Variants in RPS6KC1 observed in about 807,000 individuals in gnomAD.
RPS6KC1 encodes ribosomal protein S6 kinase C1, also known as inactive ribosomal protein S6 kinase delta-1.
In RPS6KC1, 54 loss-of-function variants were observed where a neutral mutation model predicts 103.8. That is an observed-to-expected ratio of 0.52 (90% CI 0.42 to 0.65). RPS6KC1 has a LOEUF of 0.65. Ranked by LOEUF, RPS6KC1 falls within the 30% of genes least tolerant of loss-of-function variation. The pLI, the probability that RPS6KC1 is intolerant of heterozygous loss-of-function variation, is 0.00. For synonymous variants in RPS6KC1, 439 were observed against 438.7 expected (o/e 1.00, Z -0.01); for missense variants, 1,151 against 1,253.8 (o/e 0.92, Z 1.24).
chr1:213,338,622 A>G, the RPS6KC1 span, among the ~76,000 whole-genome samples: 4 of 152,184 alleles, frequency 2.6e-5, no homozygotes, highest in South Asian at 2.1e-4. Flanking sequence ...GATGTGGTAC[A>G]TTGGGAACAA....
chr1:213,327,236 A>AAAAAGAAAGAAAGAAAGAAAG, the RPS6KC1 span, among the ~76,000 whole-genome samples: 266 of 144,686 alleles, frequency 1.8e-3, 2 homozygotes, highest in Middle Eastern at 3.4e-3. Context: ...GAAAGAAAAG[A>AAAAAGAAAGAAAGAAAGAAAG]AAAGAAAGAA....
chr1:213,659,208 AC>A, the RPS6KC1 span, among the ~76,000 whole-genome samples: 1 of 151,786 alleles, frequency 6.6e-6, no homozygotes, highest in African/African-American at 2.4e-5. Context: ...CAAGGGATCC[AC>A]CCGACTTGGC....
chr1:213,691,383 G>C, the RPS6KC1 span, among the ~76,000 whole-genome samples: 1 of 152,198 alleles, frequency 6.6e-6, no homozygotes, highest in African/African-American at 2.4e-5. Flanking sequence ...TGGGGTCCCA[G>C]TAAAGAGGAC....
intron 6 of RPS6KC1, among the ~76,000 whole-genome samples, chr1:213,166,924 T>A (rs1227760694): frequency 6.6e-6 from 1 of 152,234 alleles, no homozygotes; most frequent in Non-Finnish European, 1.5e-5. Flanking sequence ...TTTTTTCTTT[T>A]AAGTCTCGTA....
chr1:213,256,169 A>G (rs2094639056), intron 12 of RPS6KC1, among the ~76,000 whole-genome samples: 2 of 152,204 alleles, frequency 1.3e-5, no homozygotes, highest in African/African-American at 2.4e-5. Context: ...TGGGACCAGC[A>G]GTGTCTTTAG....
the RPS6KC1 span, among the ~76,000 whole-genome samples, chr1:213,713,172 T>G: frequency 6.6e-6 from 1 of 152,190 alleles, no homozygotes; most frequent in African/African-American, 2.4e-5. Flanking sequence ...TGTATTTTTC[T>G]TCTATTATTG....
chr1:213,795,818 G>A, the RPS6KC1 span, among the ~76,000 whole-genome samples: 14 of 151,968 alleles, frequency 9.2e-5, no homozygotes, highest in Admixed American at 3.9e-4. Context: ...TCTCTGCCCC[G>A]CTGGTTTCGT....
At chr1:213,502,126 C>A in the RPS6KC1 span, among the ~76,000 whole-genome samples, 2 of 152,252 alleles carry the variant, frequency 1.3e-5, no homozygotes, top group African/African-American at 4.8e-5. Flanking sequence ...TAAAAAATTC[C>A]CAGATTATTT....
the RPS6KC1 span, among the ~76,000 whole-genome samples, chr1:213,491,261 G>A: frequency 1.3e-5 from 2 of 152,140 alleles, no homozygotes; most frequent in Non-Finnish European, 1.5e-5. Context: ...AGGCTTTAAT[G>A]GAGCGGCCAG....
At chr1:213,114,581 T>C (rs2148865601) in intron 4 of RPS6KC1, among the ~76,000 whole-genome samples, 1 of 152,022 alleles carries the variant, frequency 6.6e-6, no homozygotes, top group Admixed American at 6.6e-5. Context: ...TGGCCAGAAC[T>C]TCCAACACTA....
the RPS6KC1 span, among the ~76,000 whole-genome samples, chr1:213,631,740 A>G: frequency 1.3e-5 from 2 of 152,200 alleles, no homozygotes; most frequent in African/African-American, 4.8e-5. Flanking sequence ...TCTAATGGGT[A>G]TAAAAATGGG....
the RPS6KC1 span, among the ~76,000 whole-genome samples, chr1:213,577,838 C>T: frequency 6.6e-6 from 1 of 152,200 alleles, no homozygotes; most frequent in Non-Finnish European, 1.5e-5. Context: ...GGAAGCAGAG[C>T]ATGAAAGTTT....
the RPS6KC1 span, among the ~76,000 whole-genome samples, chr1:213,713,707 G>A: frequency 6.6e-6 from 1 of 152,152 alleles, no homozygotes. Flanking sequence ...TCTTGAAAAT[G>A]TATGTTTTAT....
intron 12 of RPS6KC1, among the ~76,000 whole-genome samples, chr1:213,249,991 T>C (rs1027461894): frequency 2.0e-5 from 3 of 152,014 alleles, no homozygotes; most frequent in African/African-American, 7.3e-5. Flanking sequence ...AGCTAGGTAG[T>C]GGGAGAAAAG....
intron 6 of RPS6KC1, among the ~76,000 whole-genome samples, chr1:213,133,515 A>G (rs1396723560): frequency 6.6e-6 from 1 of 152,212 alleles, no homozygotes; most frequent in Non-Finnish European, 1.5e-5. Context: ...AACATTTAAT[A>G]TAATGATTCT....
At chr1:213,578,308 A>G in the RPS6KC1 span, among the ~76,000 whole-genome samples, 1 of 152,240 alleles carries the variant, frequency 6.6e-6, no homozygotes, top group Non-Finnish European at 1.5e-5. Flanking sequence ...CAGAGTCCTC[A>G]TAGAGAACCT....
chr1:213,218,140 A>C (rs916031776), intron 8 of RPS6KC1, among the ~76,000 whole-genome samples: 24 of 152,326 alleles, frequency 1.6e-4, no homozygotes, highest in Non-Finnish European at 2.9e-4. Context: ...GTCTCAGCCC[A>C]AAATCTCCTT....
At chr1:213,579,005 A>G in the RPS6KC1 span, among the ~76,000 whole-genome samples, 2 of 152,096 alleles carry the variant, frequency 1.3e-5, no homozygotes, top group Non-Finnish European at 2.9e-5. Context: ...TGTAGATCCC[A>G]TAATCCCCAT....
chr1:213,140,564 C>T lies in RPS6KC1; in HGVS notation c.835+10675C>T, dbSNP rs148772844. Among the ~76,000 whole-genome samples the T allele has an allele frequency of 9.2e-5, 14 of 152,180 alleles. No individual in the cohort carries two copies. The East Asian group carries it at 2.3e-3, about 25-fold the overall frequency. ...AACACAAAGCGATGTTGAATTTTATCGACAGCCTTTTCTGTGTCTATTGAG... is the reference window on the plus strand; with the variant it reads ...AACACAAAGCGATGTTGAATTTTATTGACAGCCTTTTCTGTGTCTATTGAG... On this transcript the variant is annotated intron_variant, in intron 6 of 14. Transcript: ENST00000366960.
Sources: gnomAD v4.1 joint callset for allele counts (sites outside exome capture counted in the v4.1 genomes callset) on GRCh38, gnomAD v4.1.1 for gene constraint, MANE v1.5 for transcripts, NCBI Gene and HGNC (gene_info 2026-07-23, HGNC 2026-07-21) for gene names.